The following ARHGAP42 variants were observed in gnomAD, a reference collection of about 807,000 sequenced individuals.
ARHGAP42 encodes the protein Rho GTPase activating protein 42, also known as rho GTPase-activating protein 42.
Under a neutral mutation model 125.0 loss-of-function variants are expected in ARHGAP42, and 63 were observed. That is an observed-to-expected ratio of 0.50 (90% CI 0.41 to 0.62). ARHGAP42 has a LOEUF of 0.62. Among genes scored for constraint, ARHGAP42 ranks in the 20% least tolerant of loss-of-function variants. ARHGAP42 has a pLI of 0.00. For missense variants in ARHGAP42, 766 were observed against 1,024.2 expected (o/e 0.75, Z 3.44); for synonymous variants, 339 against 351.0 (o/e 0.97, Z 0.38).
intron 3 of ARHGAP42, among the ~76,000 whole-genome samples, chr11:100,832,541 CA>C (rs747275292): frequency 4.6e-5 from 7 of 152,148 alleles, no homozygotes; most frequent in Non-Finnish European, 1.0e-4. Flanking sequence ...GATGTATGAA[CA>C]AAGTATTTCA....
At chr11:100,847,193 G>A (rs1865090466) in intron 3 of ARHGAP42, among the ~76,000 whole-genome samples, 1 of 152,138 alleles carries the variant, frequency 6.6e-6, no homozygotes, top group South Asian at 2.1e-4. Flanking sequence ...CCCCTGAATG[G>A]CCTGTGTTCC....
At chr11:100,890,229 C>T (rs1048083984) in intron 4 of ARHGAP42, among the ~76,000 whole-genome samples, 8 of 152,110 alleles carry the variant, frequency 5.3e-5, no homozygotes, top group Admixed American at 1.3e-4. Flanking sequence ...TGGTCTAAAA[C>T]GTATTCAGCT....
At chr11:100,865,800 A>C (rs529625161) in intron 4 of ARHGAP42, among the ~76,000 whole-genome samples, 1 of 152,302 alleles carries the variant, frequency 6.6e-6, no homozygotes, top group Admixed American at 6.5e-5. Context: ...CTGAGCCTTT[A>C]GTGAGTTGCA....
chr11:100,848,939 G>A (rs1218307670), intron 3 of ARHGAP42, among the ~76,000 whole-genome samples: 1 of 152,136 alleles, frequency 6.6e-6, no homozygotes, highest in African/African-American at 2.4e-5. Context: ...GATAAGTGCA[G>A]GAGAGTGTGA....
chr11:100,741,236 G>A (rs1397270071), intron 1 of ARHGAP42, among the ~76,000 whole-genome samples: 4 of 152,134 alleles, frequency 2.6e-5, no homozygotes, highest in South Asian at 4.1e-4. Context: ...TCACCATATC[G>A]GCGAGGCTGG....
At chr11:100,982,500 G>T (rs888624099) in intron 22 of ARHGAP42, among the ~76,000 whole-genome samples, 2 of 152,128 alleles carry the variant, frequency 1.3e-5, no homozygotes, top group Admixed American at 6.5e-5. Flanking sequence ...AGCAGACATT[G>T]GTTATTTACA....
At chr11:100,874,442 A>T (rs1865764500) in intron 4 of ARHGAP42, among the ~76,000 whole-genome samples, 1 of 152,324 alleles carries the variant, frequency 6.6e-6, no homozygotes, top group East Asian at 1.9e-4. Context: ...TACCTGCCAG[A>T]CATTCAAGGC....
intron 1 of ARHGAP42, among the ~76,000 whole-genome samples, chr11:100,694,273 A>G (rs193235836): frequency 2.8e-4 from 42 of 152,296 alleles, no homozygotes; most frequent in African/African-American, 7.7e-4. Flanking sequence ...ATTAATGTAT[A>G]TATGGAGAGT....
chr11:100,858,117 G>GTGTGTT (rs1555012598), intron 3 of ARHGAP42, among the ~76,000 whole-genome samples: 175 of 134,652 alleles, frequency 1.3e-3, no homozygotes, highest in Middle Eastern at 8.1e-3. Context: ...GTGTGTGTGT[G>GTGTGTT]TGTGTGTTTA....
At chr11:100,845,519 A>G (rs1865045674) in intron 3 of ARHGAP42, among the ~76,000 whole-genome samples, 2 of 152,136 alleles carry the variant, frequency 1.3e-5, no homozygotes, top group South Asian at 4.1e-4. Flanking sequence ...AAACTAAAAA[A>G]TAAAACTTAG....
chr11:100,927,981 A>G (rs955683569), intron 6 of ARHGAP42, among the ~76,000 whole-genome samples: 7 of 152,078 alleles, frequency 4.6e-5, no homozygotes, highest in Non-Finnish European at 5.9e-5. Context: ...TTCGATTTAT[A>G]TATGCTTTCG....
intron 22 of ARHGAP42, among the ~76,000 whole-genome samples, chr11:100,987,052 C>T (rs117321849): frequency 1.1e-3 from 164 of 152,134 alleles, no homozygotes; most frequent in Middle Eastern, 3.4e-3. Flanking sequence ...TCCTATATCA[C>T]GCCCAATCAA....
chr11:100,935,089 A>T (rs1867696006), intron 7 of ARHGAP42, among the ~76,000 whole-genome samples: 1 of 152,120 alleles, frequency 6.6e-6, no homozygotes, highest in African/African-American at 2.4e-5. Context: ...TATGTTTGAA[A>T]GACAAAAATA....
intron 8 of ARHGAP42, among the ~76,000 whole-genome samples, chr11:100,941,294 T>C (rs1867878646): frequency 6.6e-6 from 1 of 152,174 alleles, no homozygotes; most frequent in Non-Finnish European, 1.5e-5. Flanking sequence ...ACTTGGAACC[T>C]TGTGGATAAT....
chr11:100,810,367 A>G (rs1047401915), intron 3 of ARHGAP42, among the ~76,000 whole-genome samples: 1 of 152,236 alleles, frequency 6.6e-6, no homozygotes, highest in Non-Finnish European at 1.5e-5. Flanking sequence ...ACTTGTTTTT[A>G]CTAGTGTAGT....
chr11:100,794,786 A>G (rs1229770733), intron 2 of ARHGAP42, among the ~76,000 whole-genome samples: 1 of 152,156 alleles, frequency 6.6e-6, no homozygotes, highest in Non-Finnish European at 1.5e-5. Flanking sequence ...TTATCAATAT[A>G]TGTGTACATT....
chr11:100,783,130 A>G (rs767454916), intron 2 of ARHGAP42, among the ~76,000 whole-genome samples: 7 of 152,130 alleles, frequency 4.6e-5, no homozygotes, highest in Non-Finnish European at 8.8e-5. Flanking sequence ...CCTGTGGAAA[A>G]TCACTGCTTT....
intron 1 of ARHGAP42, among the ~76,000 whole-genome samples, chr11:100,707,221 C>A (rs75675793): frequency 0.063 from 9,516 of 151,958 alleles, 431 homozygotes; most frequent in Non-Finnish European, 0.097. Flanking sequence ...ATTCATGTAC[C>A]TTTTTCTGTG....
chr11:100,981,874 TG>T (rs1253260849), intron 22 of ARHGAP42, among the ~76,000 whole-genome samples: 4 of 152,046 alleles, frequency 2.6e-5, no homozygotes, highest in Non-Finnish European at 4.4e-5. Flanking sequence ...TTGGAAAGAA[TG>T]GTGGTTTAGC....
Sources: allele counts gnomAD v4.1 joint callset (sites outside exome capture counted in the v4.1 genomes callset), GRCh38; gene constraint gnomAD v4.1.1; transcripts MANE v1.5; gene names NCBI Gene and HGNC (gene_info 2026-07-23, HGNC 2026-07-21).